Variants in EXOC6B observed in about 807,000 individuals in gnomAD.
EXOC6B encodes the protein SEC15 homolog B.
EXOC6B carries 54 observed loss-of-function variants against 113.5 expected under a neutral mutation model. The observed-to-expected ratio is 0.48, with a 90% CI of 0.38 to 0.60. EXOC6B has a LOEUF of 0.60. Among genes scored for constraint, EXOC6B ranks in the 20% least tolerant of loss-of-function variants. The probability of loss-of-function intolerance (pLI) is 0.00; values close to 1 mark genes in which losing one functional copy is unlikely to be tolerated. For missense variants in EXOC6B, 797 were observed against 977.5 expected, an observed-to-expected ratio of 0.82 and a Z score of 2.46; for synonymous variants, 357 against 339.0, an observed-to-expected ratio of 1.05 and a Z score of -0.58.
At chr2:72,426,429 G>A (rs1208017226) in intron 18 of EXOC6B, among the ~76,000 whole-genome samples, 1 of 151,934 alleles carries the variant, frequency 6.6e-6, no homozygotes, top group East Asian at 1.9e-4. Context: ...ATTTGCCTTT[G>A]TATTTTCATT....
intron 1 of EXOC6B, among the ~76,000 whole-genome samples, chr2:72,821,242 A>G (rs1038336916): frequency 3.3e-5 from 5 of 152,156 alleles, no homozygotes; most frequent in African/African-American, 1.2e-4. Context: ...AAGAACAGCT[A>G]TTACGGGAAT....
intron 11 of EXOC6B, among the ~76,000 whole-genome samples, chr2:72,503,955 T>C (rs2105611865): frequency 6.6e-6 from 1 of 152,272 alleles, no homozygotes; most frequent in African/African-American, 2.4e-5. Context: ...TCTCCCAGGC[T>C]GGACTGCAGG....
At position 72,184,140 on chromosome 2, in the gene EXOC6B, G is replaced by C; in HGVS notation, c.2244C>G (p.Asp748Glu). ...GGTACTTGCAGTTGGGCTGACCATA[G>C]TCAGCAAGGTAGGTTGACCAATCCC... ...IQWDWSTYLA[D>E]YGQPNCKYLR... Residue 748 changes from aspartate to glutamate, a missense_variant, in exon 21 of 22, where the codon GAC becomes GAG. Asp to Glu is a conservative substitution (Grantham distance 45). Transcript: ENST00000272427. The C allele has an allele frequency of 6.4e-7, 1 of 1,563,386 alleles. No individual in the cohort carries two copies. The highest frequency in any genetic ancestry group is 8.7e-7 in the Non-Finnish European group (1 of 1,153,190).
chr2:72,682,344 G>T (rs1190432355), intron 6 of EXOC6B, among the ~76,000 whole-genome samples: 3 of 152,226 alleles, frequency 2.0e-5, no homozygotes, highest in Admixed American at 6.5e-5. Flanking sequence ...CAGGAGTTGA[G>T]GATCACAATT....
At chr2:72,618,754 C>T (rs370339664) in intron 6 of EXOC6B, among the ~76,000 whole-genome samples, 2 of 152,218 alleles carry the variant, frequency 1.3e-5, no homozygotes, top group Non-Finnish European at 2.9e-5. Flanking sequence ...TTCCTCTACA[C>T]TCATCCCCTT....
chr2:72,486,614 G>A (rs920280438), intron 16 of EXOC6B, among the ~76,000 whole-genome samples: 1 of 151,950 alleles, frequency 6.6e-6, no homozygotes, highest in Non-Finnish European at 1.5e-5. Context: ...TGAGCATTTG[G>A]GAGCCTGCCA....
chr2:72,413,182 T>C (rs976202315), intron 18 of EXOC6B, among the ~76,000 whole-genome samples: 4 of 151,570 alleles, frequency 2.6e-5, no homozygotes, highest in Non-Finnish European at 2.9e-5. Flanking sequence ...AGGATGGTCT[T>C]GATCTCCTGA....
chr2:72,350,017 C>A (rs765710838), intron 19 of EXOC6B, among the ~76,000 whole-genome samples: 1 of 152,078 alleles, frequency 6.6e-6, no homozygotes, highest in Non-Finnish European at 1.5e-5. Context: ...AAAGTCCAAT[C>A]CAGATTAAGG....
chr2:72,550,923 T>A (rs142600175), intron 8 of EXOC6B, among the ~76,000 whole-genome samples: 4,873 of 148,836 alleles, frequency 0.033, 99 homozygotes, highest in Middle Eastern at 0.042. Flanking sequence ...TTTTTTATTT[T>A]TTTTTTTTTT....
intron 6 of EXOC6B, among the ~76,000 whole-genome samples, chr2:72,672,864 T>A (rs1676001878): frequency 6.6e-6 from 1 of 152,056 alleles, no homozygotes; most frequent in Non-Finnish European, 1.5e-5. Flanking sequence ...TTAGAGGAAA[T>A]AAGACCTGAT....
intron 1 of EXOC6B, among the ~76,000 whole-genome samples, chr2:72,758,142 G>A (rs1038302063): frequency 2.8e-5 from 4 of 140,490 alleles, no homozygotes; most frequent in Non-Finnish European, 6.0e-5. Context: ...CAGCCTGGGT[G>A]ACAGAATGAG....
intron 20 of EXOC6B, among the ~76,000 whole-genome samples, chr2:72,234,525 A>C (rs1681834204): frequency 6.6e-6 from 1 of 152,208 alleles, no homozygotes; most frequent in Admixed American, 6.5e-5. Flanking sequence ...TTATGAAAAC[A>C]CCAAAAGCAA....
rs546459560 is a variant in EXOC6B, at chr2:72,730,450, C to T, written c.464+557G>A. 8.5e-5 allele frequency among the ~76,000 whole-genome samples: 13 copies of T among 152,246 alleles called. No homozygotes were observed. In the South Asian group the frequency reaches 2.7e-3, roughly 32 times the overall value. ...AGTCCCTTTGGACTCAAGCTATTAT[C>T]TTAACTCTTCACTGGACTCTAGCTT... is the stretch of plus-strand genomic sequence containing the variant. On this transcript the variant is annotated intron_variant, in intron 5 of 21. Transcript: ENST00000272427.
chr2:72,496,855 T>C (rs1218939247), intron 13 of EXOC6B, among the ~76,000 whole-genome samples: 1 of 151,702 alleles, frequency 6.6e-6, no homozygotes, highest in African/African-American at 2.4e-5. Context: ...GACAGAACAT[T>C]TCAATGTAAG....
chr2:72,208,160 G>A (rs1309294698), intron 20 of EXOC6B, among the ~76,000 whole-genome samples: 1 of 152,012 alleles, frequency 6.6e-6, no homozygotes, highest in Admixed American at 6.6e-5. Flanking sequence ...CAATGCTGAG[G>A]TTTGGGGTAC....
At chr2:72,271,954 C>T (rs947806968) in intron 20 of EXOC6B, among the ~76,000 whole-genome samples, 9 of 152,020 alleles carry the variant, frequency 5.9e-5, no homozygotes, top group African/African-American at 1.9e-4. Context: ...TTTGCTTTTT[C>T]CTCCCCTTTT....
At chr2:72,297,755 T>C (rs1686230150) in intron 20 of EXOC6B, among the ~76,000 whole-genome samples, 2 of 152,218 alleles carry the variant, frequency 1.3e-5, no homozygotes, top group Non-Finnish European at 2.9e-5. Flanking sequence ...ATTTACCCAG[T>C]AGTCATTCAG....
chr2:72,183,403 GC>G (rs1184027006), intron 21 of EXOC6B, among the ~76,000 whole-genome samples: 1 of 152,182 alleles, frequency 6.6e-6, no homozygotes, highest in Non-Finnish European at 1.5e-5. Flanking sequence ...ATATTTGTTA[GC>G]CCTGAGATTT....
At chr2:72,207,845 T>G (rs972533369) in intron 20 of EXOC6B, among the ~76,000 whole-genome samples, 2 of 152,186 alleles carry the variant, frequency 1.3e-5, no homozygotes, top group African/African-American at 2.4e-5. Flanking sequence ...ATCATATAAA[T>G]GTAATGAAAA....
Sources: allele counts gnomAD v4.1 joint callset (sites outside exome capture counted in the v4.1 genomes callset), GRCh38; gene constraint gnomAD v4.1.1; transcripts MANE v1.5; gene names NCBI Gene and HGNC (gene_info 2026-07-23, HGNC 2026-07-21).